GRID2: variants seen among roughly 807,000 people sequenced by gnomAD.
The protein encoded by GRID2 is glutamate ionotropic receptor delta type subunit 2.
In GRID2, 33 loss-of-function variants were observed where a neutral mutation model predicts 114.8. The observed-to-expected ratio is 0.29, with a 90% CI of 0.22 to 0.38. The LOEUF is 0.38. GRID2 is among the 10% of genes least tolerant of loss of function. The probability of loss-of-function intolerance (pLI) is 1.00; values close to 1 mark genes in which losing one functional copy is unlikely to be tolerated. For synonymous variants in GRID2, 505 were observed against 449.9 expected, an observed-to-expected ratio of 1.12 and a Z score of -1.55; for missense variants, 1,184 against 1,257.7, an observed-to-expected ratio of 0.94 and a Z score of 0.89.
intron 2 of GRID2, among the ~76,000 whole-genome samples, chr4:92,653,327 CTGTGTGTGTGTGTGTGTGTGTTTGTGTG>C (rs1292827015): frequency 6.4e-4 from 93 of 146,296 alleles, no homozygotes; most frequent in African/African-American, 2.2e-3. Context: ...ACACATGTGT[CTGTGTGTGTGTGTGTGTGTGTTTGTGTG>C]TTTGTAATTG....
chr4:93,122,497 G>T (rs1354027288), intron 4 of GRID2, among the ~76,000 whole-genome samples: 3 of 152,028 alleles, frequency 2.0e-5, no homozygotes, highest in Non-Finnish European at 4.4e-5. Context: ...AAAAGGAAAG[G>T]TTATACTGGT....
At chr4:92,818,116 A>T (rs1192919942) in intron 2 of GRID2, among the ~76,000 whole-genome samples, 1 of 152,108 alleles carries the variant, frequency 6.6e-6, no homozygotes, top group Admixed American at 6.6e-5. Flanking sequence ...TGTTTCTGTT[A>T]TCTCAGGTGT....
At chr4:92,923,883 G>A (rs189055560) in intron 2 of GRID2, among the ~76,000 whole-genome samples, 279 of 152,226 alleles carry the variant, frequency 1.8e-3, no homozygotes, top group African/African-American at 5.3e-3. Flanking sequence ...ATTTGACCCA[G>A]CAATCTGATT....
At chr4:93,553,714 G>C (rs1410363646) in intron 13 of GRID2, among the ~76,000 whole-genome samples, 8 of 152,010 alleles carry the variant, frequency 5.3e-5, no homozygotes, top group Non-Finnish European at 1.5e-5. Context: ...ATTTGTCTAA[G>C]GTTCTATATA....
chr4:93,719,192 CTT>C lies in GRID2; in HGVS notation c.2361-50017_2361-50016del, dbSNP rs938386791. On this transcript the variant is annotated intron_variant, in intron 14 of 15. Transcript: ENST00000282020. ...ATAAACACTTAAAAGAGAAAAAACA[CTT>C]AAGATTTATTTTCTTCCCTATAGAT... 3.3e-5 allele frequency among the ~76,000 whole-genome samples: 5 copies of C among 151,936 alleles called. No homozygotes were observed. The South Asian group carries it at 8.3e-4, about 25-fold the overall frequency.
chr4:93,330,340 C>T (rs567638833), intron 8 of GRID2, among the ~76,000 whole-genome samples: 2 of 152,156 alleles, frequency 1.3e-5, no homozygotes, highest in Non-Finnish European at 2.9e-5. Context: ...TTAGGAGACT[C>T]CATCTCTGCT....
intron 14 of GRID2, among the ~76,000 whole-genome samples, chr4:93,698,197 G>C (rs1320233649): frequency 3.3e-5 from 5 of 151,890 alleles, no homozygotes; most frequent in African/African-American, 1.2e-4. Flanking sequence ...AGAAATCGCT[G>C]TGAATTCCAA....
intron 1 of GRID2, among the ~76,000 whole-genome samples, chr4:92,409,368 C>T (rs1412911034): frequency 1.3e-5 from 2 of 152,038 alleles, no homozygotes; most frequent in African/African-American, 2.4e-5. Context: ...TCAAAAAAAT[C>T]ACACAAGGGC....
intron 1 of GRID2, among the ~76,000 whole-genome samples, chr4:92,549,899 G>A (rs2149171697): frequency 6.6e-6 from 1 of 152,030 alleles, no homozygotes; most frequent in East Asian, 1.9e-4. Flanking sequence ...CTCTTAATGA[G>A]GTATGCTATT....
At position 93,506,972 on chromosome 4, in the gene GRID2, G is replaced by A. The variant is rs890763771; in HGVS notation, c.1998-8244G>A. 2.0e-4 allele frequency among the ~76,000 whole-genome samples: 31 copies of A among 152,246 alleles called. 1 individual carries two copies. Among genetic ancestry groups the A allele is most frequent in the African/African-American group, 4.6e-4 (19 of 41,550 alleles). On this transcript the variant is annotated intron_variant, in intron 12 of 15. Coordinates refer to ENST00000282020, the MANE Select transcript of GRID2 (RefSeq NM_001510.4). The stretch of plus-strand genomic sequence containing the variant: ...GGTTCCTCCTGAATTACCCCACACC[G>A]TGAGGAATACTTTTAGGCTATACAA...
At chr4:93,323,614 T>G (rs1310752760) in intron 8 of GRID2, among the ~76,000 whole-genome samples, 1 of 152,190 alleles carries the variant, frequency 6.6e-6, no homozygotes, top group Non-Finnish European at 1.5e-5. Flanking sequence ...TGGGATGGCA[T>G]TTAATGTATA....
intron 8 of GRID2, among the ~76,000 whole-genome samples, chr4:93,249,748 C>T (rs1748633352): frequency 6.6e-6 from 1 of 151,916 alleles, no homozygotes; most frequent in African/African-American, 2.4e-5. Flanking sequence ...TGAAAAAAAG[C>T]TCATTATCAC....
chr4:92,674,605 C>A (rs372958967), intron 2 of GRID2, among the ~76,000 whole-genome samples: 41 of 152,238 alleles, frequency 2.7e-4, no homozygotes, highest in African/African-American at 8.2e-4. Context: ...TCACTGCAAC[C>A]TCCGCCTCCC....
intron 12 of GRID2, among the ~76,000 whole-genome samples, chr4:93,508,027 G>C (rs2149482213): frequency 6.6e-6 from 1 of 152,068 alleles, no homozygotes; most frequent in South Asian, 2.1e-4. Flanking sequence ...GGAATTGGGA[G>C]GGATAGCATT....
chr4:93,102,435 C>A (rs577683241), intron 3 of GRID2, among the ~76,000 whole-genome samples: 1 of 152,128 alleles, frequency 6.6e-6, no homozygotes, highest in Non-Finnish European at 1.5e-5. Flanking sequence ...CCCATATTCA[C>A]AAAAACAAAG....
chr4:92,552,488 G>C (rs981037267), intron 1 of GRID2, among the ~76,000 whole-genome samples: 2 of 152,146 alleles, frequency 1.3e-5, no homozygotes, highest in African/African-American at 4.8e-5. Context: ...CTGCAAAATG[G>C]TGTGAAGTAG....
intron 2 of GRID2, among the ~76,000 whole-genome samples, chr4:92,710,316 A>G (rs1735185548): frequency 6.6e-6 from 1 of 152,334 alleles, no homozygotes; most frequent in Admixed American, 6.5e-5. Flanking sequence ...TTTTAGATAA[A>G]TGAAATAATT....
At chr4:93,068,195 AATG>A (rs1374930700) in intron 2 of GRID2, among the ~76,000 whole-genome samples, 1 of 152,106 alleles carries the variant, frequency 6.6e-6, no homozygotes, top group African/African-American at 2.4e-5. Flanking sequence ...AAATGTGAAT[AATG>A]GTAATGCAAA....
intron 1 of GRID2, among the ~76,000 whole-genome samples, chr4:92,323,213 A>G (rs1029319984): frequency 6.6e-6 from 1 of 152,296 alleles, no homozygotes; most frequent in South Asian, 2.1e-4. Context: ...TATTTTTTAC[A>G]GAACTCTATT....
Sources: allele counts gnomAD v4.1 joint callset (sites outside exome capture counted in the v4.1 genomes callset), GRCh38; gene constraint gnomAD v4.1.1; transcripts MANE v1.5; gene names NCBI Gene and HGNC (gene_info 2026-07-23, HGNC 2026-07-21).